SLC25A21: variants seen among roughly 807,000 people sequenced by gnomAD.
The protein encoded by SLC25A21 is mitochondrial 2-oxodicarboxylate carrier.
SLC25A21 carries 47 observed loss-of-function variants against 43.8 expected under a neutral mutation model. The observed-to-expected ratio is 1.07, with a 90% CI of 0.85 to 1.37. The LOEUF (loss-of-function observed/expected upper bound fraction) is 1.37, where lower values mean the gene tolerates loss of function less well. Ranked by LOEUF, SLC25A21 falls within the 40% of genes most tolerant of loss-of-function variation. SLC25A21 has a pLI of 0.00. For missense variants in SLC25A21, 352 were observed against 350.2 expected (o/e 1.00, Z -0.04); for synonymous variants, 131 against 121.3 (o/e 1.08, Z -0.52).
chr14:36,832,866 C>T (rs1052704927), intron 2 of SLC25A21, among the ~76,000 whole-genome samples: 9 of 152,084 alleles, frequency 5.9e-5, no homozygotes, highest in African/African-American at 2.2e-4. Flanking sequence ...GGATTCCACC[C>T]TTTTTTGTGA....
chr14:36,766,816 GA>G (rs1210096877), intron 3 of SLC25A21, among the ~76,000 whole-genome samples: 1 of 152,170 alleles, frequency 6.6e-6, no homozygotes. Context: ...ATAATCTAAA[GA>G]CTGAATTTTC....
chr14:36,719,469 G>A (rs1209620571), intron 6 of SLC25A21, among the ~76,000 whole-genome samples: 1 of 152,206 alleles, frequency 6.6e-6, no homozygotes, highest in Non-Finnish European at 1.5e-5. Flanking sequence ...ATCCACACAT[G>A]TTTTTACACC....
chr14:36,771,971 G>A (rs114217821), intron 3 of SLC25A21, among the ~76,000 whole-genome samples: 23 of 152,196 alleles, frequency 1.5e-4, no homozygotes, highest in African/African-American at 5.5e-4. Context: ...GATGACCAAC[G>A]AACAGAGGTC....
intron 3 of SLC25A21, among the ~76,000 whole-genome samples, chr14:36,804,788 A>G (rs1462026592): frequency 6.6e-6 from 1 of 152,218 alleles, no homozygotes; most frequent in East Asian, 1.9e-4. Context: ...CTACAATAAG[A>G]TAATCAGGTA....
At chr14:36,902,897 A>T (rs1891433157) in intron 1 of SLC25A21, among the ~76,000 whole-genome samples, 1 of 152,094 alleles carries the variant, frequency 6.6e-6, no homozygotes, top group Admixed American at 6.6e-5. Flanking sequence ...AGGCAGGAGG[A>T]TTGCTTGAGG....
chr14:37,004,551 T>A (rs1316034342), intron 1 of SLC25A21, among the ~76,000 whole-genome samples: 1 of 152,136 alleles, frequency 6.6e-6, no homozygotes, highest in Non-Finnish European at 1.5e-5. Context: ...GATTGAACAT[T>A]TTCTGTGCCA....
intron 1 of SLC25A21, among the ~76,000 whole-genome samples, chr14:36,933,912 C>G (rs1892354481): frequency 6.6e-6 from 1 of 152,112 alleles, no homozygotes; most frequent in African/African-American, 2.4e-5. Context: ...ACAGTAGAGA[C>G]AGATGAGAAG....
At chr14:37,043,932 G>GTTTTTTTTTTTTTTTTTTTT (rs1944478047) in intron 1 of SLC25A21, among the ~76,000 whole-genome samples, 1 of 89,738 alleles carries the variant, frequency 1.1e-5, no homozygotes, top group African/African-American at 8.1e-5. Context: ...TTTGTTTTAT[G>GTTTTTTTTTTTTTTTTTTTT]TTTTTTTGTT....
chr14:36,807,135 T>C, intron 3 of SLC25A21: 1 of 152,286 alleles, frequency 6.6e-6, no homozygotes, highest in African/African-American at 2.4e-5. Flanking sequence ...CACCCAATAA[T>C]CGACACAAAA....
chr14:37,056,620 C>T (rs1961835958), intron 1 of SLC25A21, among the ~76,000 whole-genome samples: 1 of 152,070 alleles, frequency 6.6e-6, no homozygotes, highest in Non-Finnish European at 1.5e-5. Context: ...GACTCACACT[C>T]TTTCCCAGCA....
At chr14:36,902,579 A>G (rs1891425689) in intron 1 of SLC25A21, among the ~76,000 whole-genome samples, 2 of 152,352 alleles carry the variant, frequency 1.3e-5, no homozygotes, top group South Asian at 4.1e-4. Context: ...AAACTACTAG[A>G]AATTATATGA....
At chr14:36,734,617 C>A (rs2139229021) in intron 3 of SLC25A21, 44 bp from the exon 4 acceptor site, 1 of 1,441,974 alleles carries the variant, frequency 6.9e-7, no homozygotes, top group Non-Finnish European at 9.6e-7. Context: ...GGAAATTAGG[C>A]AACAAGTATT....
intron 1 of SLC25A21, among the ~76,000 whole-genome samples, chr14:37,143,390 T>C (rs1963603089): frequency 6.6e-6 from 1 of 152,212 alleles, no homozygotes; most frequent in South Asian, 2.1e-4. Context: ...ACATACCTGC[T>C]GTCACAGGGG....
intron 3 of SLC25A21, among the ~76,000 whole-genome samples, chr14:36,794,350 T>C (rs1241999661): frequency 1.3e-5 from 2 of 152,180 alleles, no homozygotes; most frequent in African/African-American, 4.8e-5. Context: ...TGAATTTCAA[T>C]GAGTCTTTTA....
chr14:36,958,667 A>G (rs1471619914), intron 1 of SLC25A21, among the ~76,000 whole-genome samples: 3 of 143,562 alleles, frequency 2.1e-5, no homozygotes, highest in African/African-American at 8.1e-5. Context: ...AGATGTACAC[A>G]TAAGCACACG....
intron 1 of SLC25A21, among the ~76,000 whole-genome samples, chr14:36,915,604 G>C (rs904180351): frequency 2.0e-5 from 3 of 152,098 alleles, no homozygotes; most frequent in Non-Finnish European, 4.4e-5. Flanking sequence ...ATGCCCTTTA[G>C]CTTGCTGTGA....
intron 1 of SLC25A21, among the ~76,000 whole-genome samples, chr14:37,128,080 A>T (rs1378450940): frequency 6.6e-6 from 1 of 152,200 alleles, no homozygotes; most frequent in Non-Finnish European, 1.5e-5. Flanking sequence ...GGTAAATACA[A>T]CCATCCCTAT....
chr14:37,135,433 C>T (rs1397730504), intron 1 of SLC25A21, among the ~76,000 whole-genome samples: 3 of 151,432 alleles, frequency 2.0e-5, no homozygotes, highest in Non-Finnish European at 4.4e-5. Flanking sequence ...TTAATAGTTA[C>T]CCAGGCTGGT....
At chr14:37,170,768 A>T (rs1964110382) in intron 1 of SLC25A21, among the ~76,000 whole-genome samples, 2 of 151,518 alleles carry the variant, frequency 1.3e-5, no homozygotes. Flanking sequence ...CTCTACAAAA[A>T]AAAAAATCCC....
Sources: gnomAD v4.1 joint callset for allele counts (sites outside exome capture counted in the v4.1 genomes callset) on GRCh38, gnomAD v4.1.1 for gene constraint, MANE v1.5 for transcripts, NCBI Gene and HGNC (gene_info 2026-07-23, HGNC 2026-07-21) for gene names.